GRK3: variants seen among roughly 807,000 people sequenced by gnomAD.
The protein encoded by GRK3 is G protein-coupled receptor kinase 3, also known as adrenergic, beta, receptor kinase 2.
In GRK3, 54 loss-of-function variants were observed where a neutral mutation model predicts 95.7. The ratio of observed to expected loss-of-function variants is 0.56; its 90% CI spans 0.45 to 0.71. The LOEUF (loss-of-function observed/expected upper bound fraction) is 0.71. Ranked by LOEUF, GRK3 falls within the 30% of genes least tolerant of loss-of-function variation. GRK3 has a pLI of 0.00. For missense variants in GRK3, 649 were observed against 851.2 expected (o/e 0.76, Z 2.96); for synonymous variants, 281 against 290.8 (o/e 0.97, Z 0.34).
At chr22:25,602,195 C>T (rs1251886609) in intron 1 of GRK3, among the ~76,000 whole-genome samples, 1 of 152,120 alleles carries the variant, frequency 6.6e-6, no homozygotes, top group Admixed American at 6.5e-5. Flanking sequence ...GAGGAGGATT[C>T]CAATAATCAT....
intron 1 of GRK3, among the ~76,000 whole-genome samples, chr22:25,577,017 A>G (rs954711510): frequency 6.6e-6 from 1 of 152,216 alleles, no homozygotes; most frequent in Non-Finnish European, 1.5e-5. Context: ...TGAGAAACCA[A>G]CTAAGCTACA....
intron 1 of GRK3, among the ~76,000 whole-genome samples, chr22:25,584,106 G>A (rs1156496133): frequency 6.6e-6 from 1 of 152,176 alleles, no homozygotes; most frequent in African/African-American, 2.4e-5. Flanking sequence ...TAAAATCTTT[G>A]GGAGTACTTT....
At chr22:25,722,162 G>A in intron 20 of GRK3, 127 bp from the exon 21 acceptor site, 1 of 1,001,646 alleles carries the variant, frequency 1.0e-6, no homozygotes, top group Non-Finnish European at 1.5e-6. Context: ...TAATGCCACT[G>A]GGGGTGGACA....
chr22:25,692,782 A>G (rs944205743), intron 12 of GRK3, among the ~76,000 whole-genome samples: 1 of 152,244 alleles, frequency 6.6e-6, no homozygotes, highest in Non-Finnish European at 1.5e-5. Flanking sequence ...CTAGAATTAT[A>G]ATCCAGTTCT....
At chr22:25,716,977 T>C (rs766159234) in intron 18 of GRK3, among the ~76,000 whole-genome samples, 1 of 152,228 alleles carries the variant, frequency 6.6e-6, no homozygotes, top group Non-Finnish European at 1.5e-5. Context: ...ATGCTTGATC[T>C]GAAGTAGCAC....
intron 6 of GRK3, among the ~76,000 whole-genome samples, chr22:25,669,852 T>C (rs2084967283): frequency 6.6e-6 from 1 of 152,240 alleles, no homozygotes; most frequent in African/African-American, 2.4e-5. Flanking sequence ...TCACCAGCTC[T>C]GGACTCCAGA....
At chr22:25,706,151 A>T (rs111929960) in intron 15 of GRK3, among the ~76,000 whole-genome samples, 3,990 of 152,262 alleles carry the variant, frequency 0.026, 60 homozygotes, top group African/African-American at 0.04. Flanking sequence ...CGATAGCACA[A>T]ATTTTCAACC....
chr22:25,596,161 G>A (rs2084371195), intron 1 of GRK3, among the ~76,000 whole-genome samples: 1 of 152,314 alleles, frequency 6.6e-6, no homozygotes, highest in South Asian at 2.1e-4. Context: ...TAAATTTGTT[G>A]ATTGTTTTAG....
intron 2 of GRK3, among the ~76,000 whole-genome samples, chr22:25,608,450 G>T (rs550800873): frequency 6.6e-6 from 1 of 152,302 alleles, no homozygotes; most frequent in African/African-American, 2.4e-5. Flanking sequence ...TTCTGCAGGT[G>T]GAATTAAGAT....
intron 2 of GRK3, among the ~76,000 whole-genome samples, chr22:25,607,460 C>T (rs1484034329): frequency 6.6e-6 from 1 of 152,042 alleles, no homozygotes; most frequent in Non-Finnish European, 1.5e-5. Flanking sequence ...CCACATTGCC[C>T]CCGCCAGCAC....
Position 25,663,656 on chromosome 22 carries a change from C to T in GRK3, c.393C>T (p.His131=), listed in dbSNP as rs748162178. ...SHPFSKQAVE[H]VQSHLSKKQV... is the part of the protein sequence containing the mutation. Reference sequence around the variant, plus strand: ...CTTTCTCAAAGCAAGCTGTAGAACACGTACAAAGTCATTTATCCAAGAAAC... The same window carrying T: ...CTTTCTCAAAGCAAGCTGTAGAACATGTACAAAGTCATTTATCCAAGAAAC... The change falls in exon 5 of 21, where the codon CAC becomes CAT. Residue 131 remains histidine, a synonymous_variant. Coordinates refer to ENST00000324198, the MANE Select transcript of GRK3 (RefSeq NM_005160.4). The T allele has an allele frequency of 4.3e-6, 7 of 1,610,852 alleles. No homozygotes were observed. The African/African-American group carries it at 5.3e-5, about 12-fold the overall frequency.
At chr22:25,698,756 A>G (rs2085231824) in intron 13 of GRK3, among the ~76,000 whole-genome samples, 1 of 152,144 alleles carries the variant, frequency 6.6e-6, no homozygotes, top group Non-Finnish European at 1.5e-5. Flanking sequence ...AGCCTGGAGC[A>G]ATGGAGGAAC....
chr22:25,573,563 A>G (rs971985855), intron 1 of GRK3, among the ~76,000 whole-genome samples: 10 of 152,202 alleles, frequency 6.6e-5, no homozygotes, highest in African/African-American at 2.4e-4. Flanking sequence ...TCAGGAAGAA[A>G]GTGAGCTTTA....
chr22:25,631,239 C>A (rs532362300), intron 2 of GRK3, among the ~76,000 whole-genome samples: 31 of 152,276 alleles, frequency 2.0e-4, no homozygotes, highest in Admixed American at 1.8e-3. Context: ...CCCTTATTTT[C>A]ATTTGTGAAG....
Position 25,729,158 on chromosome 22 carries a change from T to C in GRK3, c.*6708T>C, listed in dbSNP as rs962096023. 3 of 152,224 alleles carry C rather than the reference T, an allele frequency of 2.0e-5. No homozygotes were observed. Among genetic ancestry groups the C allele is most frequent in the Non-Finnish European group, 4.4e-5 (3 of 68,058 alleles). The allele number at this position is 152,224 out of a possible 1,614,324, so 9.4% of individuals were successfully genotyped here. On this transcript the variant is annotated 3_prime_UTR_variant, in exon 21 of 21. Transcript: ENST00000324198. ...ATCCCACGGGAGATGCTGCTCCACG[T>C]CTGAGGTCACCTGCCCTGTGTGGGG...
rs77361868 is a variant in GRK3, at chr22:25,680,261, G to A, written c.747+1346G>A. On this transcript the variant is annotated intron_variant, in intron 9 of 20. Coordinates refer to ENST00000324198, the MANE Select transcript of GRK3 (RefSeq NM_005160.4). ...TGGGCATTAAGCATTTCAAATAAGA[G>A]TTGCTTTGTGTGTGTGACCAAGTTT... Among the ~76,000 whole-genome samples the A allele has an allele frequency of 1.5e-3, 224 of 152,318 alleles. 1 individual carries two copies. The highest frequency in any genetic ancestry group is 4.8e-3 in the African/African-American group (199 of 41,560).
intron 19 of GRK3, among the ~76,000 whole-genome samples, chr22:25,719,602 A>G (rs2085414766): frequency 6.6e-6 from 1 of 150,402 alleles, no homozygotes; most frequent in Non-Finnish European, 1.5e-5. Context: ...CAAATCAGGC[A>G]GCATTTATTA....
intron 7 of GRK3, among the ~76,000 whole-genome samples, chr22:25,674,069 C>T (rs1483584733): frequency 1.3e-5 from 2 of 152,138 alleles, no homozygotes; most frequent in South Asian, 2.1e-4. Flanking sequence ...CATTAGGCTT[C>T]GGAGTAGCTA....
chr22:25,588,606 A>G (rs1244819559), intron 1 of GRK3, among the ~76,000 whole-genome samples: 1 of 152,128 alleles, frequency 6.6e-6, no homozygotes, highest in Non-Finnish European at 1.5e-5. Flanking sequence ...TGCGTGCTTG[A>G]TGAGTGGTTT....
Sources: allele counts gnomAD v4.1 joint callset (sites outside exome capture counted in the v4.1 genomes callset), GRCh38; gene constraint gnomAD v4.1.1; transcripts MANE v1.5; gene names NCBI Gene and HGNC (gene_info 2026-07-23, HGNC 2026-07-21).